The following ACOXL variants were observed in gnomAD, a reference collection of about 807,000 sequenced individuals.
ACOXL encodes the protein acyl-CoA oxidase like.
ACOXL carries 70 observed loss-of-function variants against 71.9 expected under a neutral mutation model. That is an observed-to-expected ratio of 0.97 (90% CI 0.80 to 1.19). ACOXL has a LOEUF of 1.19. Among genes scored for constraint, ACOXL ranks in the 50% most tolerant of loss-of-function variants. The pLI, the probability that ACOXL is intolerant of heterozygous loss-of-function variation, is 0.00. For synonymous variants in ACOXL, 253 were observed against 281.6 expected, an observed-to-expected ratio of 0.90 and a Z score of 1.02; for missense variants, 703 against 736.3, an observed-to-expected ratio of 0.95 and a Z score of 0.52.
At chr2:110,912,420 C>T (rs1448735820) in intron 11 of ACOXL, among the ~76,000 whole-genome samples, 1 of 152,074 alleles carries the variant, frequency 6.6e-6, no homozygotes, top group Non-Finnish European at 1.5e-5. Context: ...TGGATAGATA[C>T]ACAGGTCAAC....
chr2:110,881,497 CTG>C (rs1253632797), intron 10 of ACOXL, among the ~76,000 whole-genome samples: 1 of 152,012 alleles, frequency 6.6e-6, no homozygotes, highest in Non-Finnish European at 1.5e-5. Flanking sequence ...ATACAATAAA[CTG>C]TGCGTGTTTA....
At chr2:110,922,952 C>G (rs1339632934) in intron 11 of ACOXL, among the ~76,000 whole-genome samples, 1 of 152,204 alleles carries the variant, frequency 6.6e-6, no homozygotes, top group Non-Finnish European at 1.5e-5. Flanking sequence ...CTCCTTGCAC[C>G]CTCCATGGTC....
intron 11 of ACOXL, among the ~76,000 whole-genome samples, chr2:110,932,758 G>T (rs1012134661): frequency 6.6e-6 from 1 of 152,204 alleles, no homozygotes; most frequent in Non-Finnish European, 1.5e-5. Context: ...GGGTCAAGGG[G>T]TGCCTAGACA....
At chr2:110,984,592 T>C (rs1344912938) in intron 12 of ACOXL, among the ~76,000 whole-genome samples, 1 of 152,250 alleles carries the variant, frequency 6.6e-6, no homozygotes, top group Non-Finnish European at 1.5e-5. Flanking sequence ...TTTGTGATGT[T>C]AGCCAGAACC....
At chr2:110,927,825 G>T (rs1050037067) in intron 11 of ACOXL, among the ~76,000 whole-genome samples, 2 of 152,172 alleles carry the variant, frequency 1.3e-5, no homozygotes, top group Non-Finnish European at 2.9e-5. Context: ...ATTGCTTGGA[G>T]CTTTGCCTTT....
chr2:110,896,884 T>C (rs1247563902), intron 10 of ACOXL, among the ~76,000 whole-genome samples: 2 of 152,250 alleles, frequency 1.3e-5, no homozygotes, highest in Admixed American at 6.5e-5. Context: ...TAGGATCTAA[T>C]TGACATTTAT....
chr2:110,847,682 C>T (rs533268987), intron 10 of ACOXL, among the ~76,000 whole-genome samples: 1 of 152,328 alleles, frequency 6.6e-6, no homozygotes, highest in Admixed American at 6.5e-5. Context: ...CTGTTCAGGC[C>T]TGTGCCCAAA....
intron 9 of ACOXL, among the ~76,000 whole-genome samples, chr2:110,821,297 C>G (rs1045261261): frequency 3.3e-5 from 5 of 151,528 alleles, no homozygotes; most frequent in Admixed American, 3.3e-4. Flanking sequence ...TTTTTTTTAA[C>G]ATATTTCTGC....
intron 10 of ACOXL, among the ~76,000 whole-genome samples, chr2:110,843,202 T>TC (rs1452353596): frequency 6.6e-6 from 1 of 152,200 alleles, no homozygotes; most frequent in Non-Finnish European, 1.5e-5. Context: ...AGCTTGCCCT[T>TC]CCCCATGATG....
chr2:110,950,436 A>G (rs1281693666), intron 12 of ACOXL, among the ~76,000 whole-genome samples: 2 of 152,216 alleles, frequency 1.3e-5, no homozygotes, highest in African/African-American at 4.8e-5. Flanking sequence ...TCTCAGCCCA[A>G]AATTTTTAAC....
intron 17 of ACOXL, among the ~76,000 whole-genome samples, chr2:111,103,110 G>A (rs1277425405): frequency 6.6e-6 from 1 of 152,062 alleles, no homozygotes; most frequent in Non-Finnish European, 1.5e-5. Context: ...GGCCAACATG[G>A]TAAAACCCCA....
At chr2:110,920,448 C>T (rs747324630) in intron 11 of ACOXL, among the ~76,000 whole-genome samples, 1 of 152,052 alleles carries the variant, frequency 6.6e-6, no homozygotes, top group Non-Finnish European at 1.5e-5. Context: ...TTGTTGAGTG[C>T]AAGAGTTCTT....
intron 14 of ACOXL, among the ~76,000 whole-genome samples, chr2:111,030,824 A>T (rs1193402190): frequency 6.6e-6 from 1 of 152,210 alleles, no homozygotes; most frequent in Non-Finnish European, 1.5e-5. Context: ...TTTACGGGCC[A>T]CATTTAACTC....
intron 1 of ACOXL, among the ~76,000 whole-genome samples, chr2:110,746,060 G>A (rs993971486): frequency 1.3e-5 from 2 of 152,026 alleles, no homozygotes; most frequent in Non-Finnish European, 2.9e-5. Context: ...ACCTTACAAC[G>A]TCAAGGCTGG....
intron 10 of ACOXL, among the ~76,000 whole-genome samples, chr2:110,862,838 G>T (rs1028230740): frequency 2.0e-5 from 3 of 152,176 alleles, no homozygotes; most frequent in Non-Finnish European, 4.4e-5. Flanking sequence ...AGAAATCCTG[G>T]ATTTCCAGCT....
chr2:111,007,516 C>T (rs1190327803), intron 14 of ACOXL, among the ~76,000 whole-genome samples: 3 of 152,106 alleles, frequency 2.0e-5, no homozygotes, highest in African/African-American at 7.2e-5. Context: ...TATTTTCTTG[C>T]CAATTGTTCC....
chr2:110,888,173 A>G (rs939494603), intron 10 of ACOXL, among the ~76,000 whole-genome samples: 2 of 152,134 alleles, frequency 1.3e-5, no homozygotes, highest in Non-Finnish European at 2.9e-5. Flanking sequence ...CCCAACCCCT[A>G]TCACCCTGGG....
At chr2:110,935,141 G>C (rs1030605164) in intron 12 of ACOXL, among the ~76,000 whole-genome samples, 1 of 152,216 alleles carries the variant, frequency 6.6e-6, no homozygotes, top group East Asian at 1.9e-4. Context: ...CCTCAGGCAG[G>C]GACAGCCCAC....
At chr2:111,044,821 C>T (rs1242519279) in intron 15 of ACOXL, among the ~76,000 whole-genome samples, 3 of 152,102 alleles carry the variant, frequency 2.0e-5, no homozygotes, top group Non-Finnish European at 2.9e-5. Flanking sequence ...CATTTACTGC[C>T]GACCATTGCA....
Sources: gnomAD v4.1 joint callset for allele counts (sites outside exome capture counted in the v4.1 genomes callset) on GRCh38, gnomAD v4.1.1 for gene constraint, MANE v1.5 for transcripts, NCBI Gene and HGNC (gene_info 2026-07-23, HGNC 2026-07-21) for gene names.